Variants in ANKDD1A observed in about 807,000 individuals in gnomAD.
The protein encoded by ANKDD1A is ankyrin repeat and death domain containing 1A.
ANKDD1A carries 59 observed loss-of-function variants against 63.5 expected under a neutral mutation model. The ratio of observed to expected loss-of-function variants is 0.93; its 90% CI spans 0.75 to 1.15. The LOEUF (loss-of-function observed/expected upper bound fraction) is 1.15, where lower values mean the gene tolerates loss of function less well. Among genes scored for constraint, ANKDD1A ranks in the 50% most tolerant of loss-of-function variants. The probability of loss-of-function intolerance (pLI) is 0.00; values close to 1 mark genes in which losing one functional copy is unlikely to be tolerated. For missense variants in ANKDD1A, 632 were observed against 656.4 expected, an observed-to-expected ratio of 0.96 and a Z score of 0.41; for synonymous variants, 266 against 263.9, an observed-to-expected ratio of 1.01 and a Z score of -0.08.
chr15:64,937,073 G>A (rs2085139563), intron 9 of ANKDD1A, among the ~76,000 whole-genome samples: 1 of 152,098 alleles, frequency 6.6e-6, no homozygotes, highest in African/African-American at 2.4e-5. Flanking sequence ...TAGGGAAATA[G>A]GCACCTTCAT....
chr15:64,952,583 TTCTTC>T (rs1205209385), intron 14 of ANKDD1A, among the ~76,000 whole-genome samples: 2 of 99,508 alleles, frequency 2.0e-5, no homozygotes, highest in Admixed American at 1.2e-4. Flanking sequence ...TCTCCTTCTT[TTCTTC>T]TTCTTCCTTC....
At position 64,922,055 on chromosome 15, in the gene ANKDD1A, C is replaced by A. The variant is rs372452058; in HGVS notation, c.366+36C>A. The A allele has an allele frequency of 1.9e-6, 3 of 1,596,272 alleles. No homozygotes were observed. The African/African-American group carries it at 4.0e-5, about 21-fold the overall frequency. ...AGCTGGTAGACCCCTGTCCCCTCGG[C>A]TCCCCTGGCCTGGATGCACAGGTCT... On this transcript the variant is annotated intron_variant, in intron 4 of 14. Transcript: ENST00000319580.
chr15:64,950,093 A>C, intron 14 of ANKDD1A, 121 bp downstream of exon 14: 1 of 1,512,436 alleles, frequency 6.6e-7, no homozygotes, highest in South Asian at 1.3e-5. Context: ...GGCCTTCCAG[A>C]TTCCTACCCC....
chr15:64,954,823 T>G (rs1275141777), intron 14 of ANKDD1A, among the ~76,000 whole-genome samples: 1 of 147,596 alleles, frequency 6.8e-6, no homozygotes, highest in Admixed American at 6.8e-5. Context: ...TTCTTCTCCT[T>G]CTTTTTGTTG....
At chr15:64,936,844 T>A (rs1027024745) in intron 9 of ANKDD1A, among the ~76,000 whole-genome samples, 1 of 152,000 alleles carries the variant, frequency 6.6e-6, no homozygotes, top group Admixed American at 6.6e-5. Flanking sequence ...ACCTTATCTC[T>A]AAAAAAAATT....
chr15:64,956,908 C>T (rs1251918526), intron 14 of ANKDD1A, among the ~76,000 whole-genome samples, 195 bp from the exon 15 acceptor site: 3 of 152,060 alleles, frequency 2.0e-5, no homozygotes, highest in African/African-American at 4.8e-5. Context: ...TGATCTATTA[C>T]GTTATGATAT....
At chr15:64,939,149 T>C (rs2085160228) in intron 9 of ANKDD1A, among the ~76,000 whole-genome samples, 1 of 151,194 alleles carries the variant, frequency 6.6e-6, no homozygotes, top group Non-Finnish European at 1.5e-5. Context: ...AAATAAAAGT[T>C]TAGGCTAGGC....
intron 14 of ANKDD1A, 115 bp from the exon 15 acceptor site, chr15:64,956,988 A>G (rs1457369196): frequency 5.2e-6 from 2 of 387,650 alleles, no homozygotes; most frequent in African/African-American, 2.2e-5. Flanking sequence ...TTTGTTTCCT[A>G]ACATATATGT....
intron 10 of ANKDD1A, chr15:64,943,219 C>CA: frequency 2.6e-6 from 1 of 380,420 alleles, no homozygotes; most frequent in East Asian, 4.4e-5. Flanking sequence ...ATGGCACAGA[C>CA]AAAAATAGGC....
intron 2 of ANKDD1A, among the ~76,000 whole-genome samples, chr15:64,916,405 G>A (rs1325493729): frequency 2.0e-5 from 3 of 150,882 alleles, no homozygotes; most frequent in Non-Finnish European, 2.9e-5. Flanking sequence ...GCTCACTGTA[G>A]CCTTGACCTT....
At chr15:64,939,129 A>G (rs1171288946) in intron 9 of ANKDD1A, among the ~76,000 whole-genome samples, 2 of 151,944 alleles carry the variant, frequency 1.3e-5, no homozygotes, top group African/African-American at 4.8e-5. Flanking sequence ...GTAAAACTAA[A>G]TATATTCTAA....
chr15:64,938,457 C>A (rs889045573), intron 9 of ANKDD1A, among the ~76,000 whole-genome samples: 3 of 152,208 alleles, frequency 2.0e-5, no homozygotes, highest in African/African-American at 7.2e-5. Context: ...TAACCCCAGT[C>A]TAATTCCGAG....
chr15:64,931,659 A>AG, intron 8 of ANKDD1A, 74 bp downstream of exon 8: 4 of 1,502,878 alleles, frequency 2.7e-6, no homozygotes, highest in Non-Finnish European at 3.7e-6. Context: ...TAACGGCCAC[A>AG]GGGATTCCTG....
chr15:64,951,691 C>CTTATTCTTTTTTT (rs1218099535), intron 14 of ANKDD1A, among the ~76,000 whole-genome samples: 2 of 117,594 alleles, frequency 1.7e-5, no homozygotes, highest in Non-Finnish European at 3.4e-5. Flanking sequence ...TTTCTTCTTC[C>CTTATTCTTTTTTT]TCTTCTTCTT....
At chr15:64,938,515 G>C (rs76483152) in intron 9 of ANKDD1A, among the ~76,000 whole-genome samples, 1 of 152,224 alleles carries the variant, frequency 6.6e-6, no homozygotes, top group East Asian at 1.9e-4. Flanking sequence ...CGAAATACTT[G>C]ACAAGTAATT....
chr15:64,934,328 C>G (rs1331451064), intron 9 of ANKDD1A, 94 bp downstream of exon 9: 8 of 1,248,240 alleles, frequency 6.4e-6, no homozygotes, highest in Non-Finnish European at 8.9e-6. Context: ...ACATCGGATC[C>G]TTGGGGTTGG....
chr15:64,943,253 C>T lies in ANKDD1A; in HGVS notation c.967-231C>T, dbSNP rs534263013. 43 of 494,498 alleles carry T rather than the reference C, an allele frequency of 8.7e-5. 1 individual carries two copies. The South Asian group carries it at 1.0e-3, about 12-fold the overall frequency. 30.6% of individuals were successfully genotyped at this position (494,498 alleles called of 1,614,324 possible). A position where few individuals can be genotyped will look rare whatever the true frequency, so the allele number is the denominator to read the frequency against. On this transcript the variant is annotated intron_variant, in intron 10 of 14. Coordinates refer to ENST00000319580, the MANE Select transcript of ANKDD1A (RefSeq NM_182703.6). ...GCTAGTATGGAGTTATCAAAAATGG[C>T]GTTTATCAGAGTTTATAGTACACAA...
chr15:64,953,380 TTTCTTCTTC>T (rs142108770), intron 14 of ANKDD1A, among the ~76,000 whole-genome samples: 1 of 144,870 alleles, frequency 6.9e-6, no homozygotes, highest in Non-Finnish European at 1.5e-5. Flanking sequence ...CTTCTTTTCC[TTTCTTCTTC>T]TTAGTTCTCC....
At chr15:64,928,687 G>A (rs1423479191) in intron 6 of ANKDD1A, among the ~76,000 whole-genome samples, 3 of 152,188 alleles carry the variant, frequency 2.0e-5, no homozygotes, top group Admixed American at 6.5e-5. Context: ...TCCAGAGAGA[G>A]CTATTAACTC....
Sources: gnomAD v4.1 joint callset for allele counts (sites outside exome capture counted in the v4.1 genomes callset) on GRCh38, gnomAD v4.1.1 for gene constraint, MANE v1.5 for transcripts, NCBI Gene and HGNC (gene_info 2026-07-23, HGNC 2026-07-21) for gene names.